Variants in CCSER1 observed in about 807,000 individuals in gnomAD.
The protein encoded by CCSER1 is coiled-coil serine rich protein 1, also known as serine-rich coiled-coil domain-containing protein 1.
A neutral mutation model predicts 82.0 loss-of-function variants in CCSER1; 41 were observed. That is an observed-to-expected ratio of 0.50 (90% CI 0.39 to 0.65). The LOEUF (loss-of-function observed/expected upper bound fraction) is 0.65. Among genes scored for constraint, CCSER1 ranks in the 30% least tolerant of loss-of-function variants. The pLI, the probability that CCSER1 is intolerant of heterozygous loss-of-function variation, is 0.00. For missense variants in CCSER1, 1,119 were observed against 1,064.2 expected (o/e 1.05, Z -0.72); for synonymous variants, 414 against 383.9 (o/e 1.08, Z -0.92).
intron 1 of CCSER1, among the ~76,000 whole-genome samples, chr4:90,141,060 CTATT>C (rs1175828363): frequency 3.8e-4 from 57 of 151,710 alleles, no homozygotes; most frequent in Non-Finnish European, 5.9e-4. Context: ...ATCTATCTAT[CTATT>C]GTCTGTCTAC....
intron 1 of CCSER1, among the ~76,000 whole-genome samples, chr4:90,272,200 C>T (rs534906862): frequency 2.1e-4 from 32 of 152,110 alleles, no homozygotes; most frequent in African/African-American, 7.5e-4. Context: ...ATATAAGTAG[C>T]ACAAACAGTT....
chr4:90,563,303 G>A (rs562269185), intron 5 of CCSER1, among the ~76,000 whole-genome samples: 3 of 152,030 alleles, frequency 2.0e-5, no homozygotes, highest in South Asian at 4.2e-4. Flanking sequence ...ATAGAGACAG[G>A]GTTTCACCAT....
intron 5 of CCSER1, among the ~76,000 whole-genome samples, chr4:90,608,832 A>C (rs1207029862): frequency 1.3e-5 from 2 of 152,104 alleles, no homozygotes; most frequent in Non-Finnish European, 2.9e-5. Flanking sequence ...AAGGTTTCAA[A>C]TGTGGCCATT....
At chr4:90,533,583 G>T (rs1774913955) in intron 5 of CCSER1, among the ~76,000 whole-genome samples, 1 of 152,150 alleles carries the variant, frequency 6.6e-6, no homozygotes. Context: ...AGCTCATAAC[G>T]ATTTGGAGTT....
At chr4:91,563,044 TA>T (rs1181604080) in intron 10 of CCSER1, among the ~76,000 whole-genome samples, 3 of 151,586 alleles carry the variant, frequency 2.0e-5, no homozygotes, top group Non-Finnish European at 3.0e-5. Flanking sequence ...GAATTAGTAA[TA>T]AAAAATCTCC....
intron 10 of CCSER1, among the ~76,000 whole-genome samples, chr4:91,087,441 T>G (rs758569874): frequency 6.6e-6 from 1 of 152,112 alleles, no homozygotes; most frequent in Non-Finnish European, 1.5e-5. Flanking sequence ...GGCTCTTAAA[T>G]CATATTGCTT....
In CCSER1 at chr4:90,555,233, G is replaced by A. The variant is rs114616952; in HGVS notation, c.1725-72792G>A. 8.4e-3 allele frequency among the ~76,000 whole-genome samples: 1,280 copies of A among 151,640 alleles called. 8 individuals are homozygous for A. The highest frequency in any genetic ancestry group is 0.019 in the African/African-American group (780 of 41,314). The stretch of plus-strand genomic sequence containing the variant: ...GTTTCTTGATAAAATACAGATATAC[G>A]ACCCAGGAACAAGCCTGGCAAAAAA... On this transcript the variant is annotated intron_variant, in intron 5 of 10. Coordinates refer to ENST00000509176, the MANE Select transcript of CCSER1 (RefSeq NM_001145065.2).
intron 10 of CCSER1, among the ~76,000 whole-genome samples, chr4:91,146,244 T>C (rs1035933552): frequency 6.6e-6 from 1 of 152,234 alleles, no homozygotes; most frequent in Admixed American, 6.5e-5. Context: ...ATTTTGAAAT[T>C]TCTGTAGTGA....
Position 91,446,653 on chromosome 4 carries a change from CAAATATATATTTTAAATAAAT to C in CCSER1, c.2218-151908_2218-151888del, listed in dbSNP as rs1271356527. Among the ~76,000 whole-genome samples, 3 of 120,390 alleles carry C rather than the reference CAAATATATATTTTAAATAAAT, an allele frequency of 2.5e-5. No homozygotes were observed. In the Admixed American group the frequency reaches 3.0e-4, roughly 12 times the overall value. 79.0% of individuals were successfully genotyped at this position (120,390 alleles called of 152,430 possible). ...ATGTCTATGTAATGAATATTTTATA[CAAATATATATTTTAAATAAAT>C]AAATATATATATATATATAATAGTC... is the stretch of plus-strand genomic sequence containing the variant. On this transcript the variant is annotated intron_variant, in intron 10 of 10. Transcript: ENST00000509176.
chr4:90,886,773 T>C (rs536021808), intron 8 of CCSER1, among the ~76,000 whole-genome samples: 17 of 152,318 alleles, frequency 1.1e-4, no homozygotes, highest in African/African-American at 4.1e-4. Flanking sequence ...CTCAGTCTTA[T>C]GAAGCTACCA....
chr4:90,547,270 T>C (rs1245290178), intron 5 of CCSER1, among the ~76,000 whole-genome samples: 12 of 152,024 alleles, frequency 7.9e-5, no homozygotes, highest in Non-Finnish European at 1.5e-5. Flanking sequence ...AGAATAGTTG[T>C]GTATTTTATA....
chr4:90,343,794 T>C (rs533894367), intron 3 of CCSER1, among the ~76,000 whole-genome samples: 209 of 152,302 alleles, frequency 1.4e-3, no homozygotes, highest in African/African-American at 4.7e-3. Flanking sequence ...ATGAGGTACA[T>C]GCGACATTTT....
chr4:90,519,311 A>C (rs1048472936), intron 5 of CCSER1, among the ~76,000 whole-genome samples: 5 of 151,882 alleles, frequency 3.3e-5, no homozygotes, highest in Non-Finnish European at 4.4e-5. Context: ...TAAGTAAATA[A>C]ATTTTAATGT....
intron 3 of CCSER1, among the ~76,000 whole-genome samples, chr4:90,346,463 A>C (rs545876025): frequency 6.6e-6 from 1 of 152,146 alleles, no homozygotes; most frequent in South Asian, 2.1e-4. Flanking sequence ...GAAAGCTTAG[A>C]TTATACTCAA....
intron 7 of CCSER1, among the ~76,000 whole-genome samples, chr4:90,802,125 C>T (rs1220049617): frequency 1.3e-5 from 2 of 151,048 alleles, no homozygotes; most frequent in African/African-American, 4.9e-5. Context: ...GGCTGAGGCA[C>T]GAGAATCGCT....
chr4:91,305,322 C>T (rs192332350), intron 10 of CCSER1, among the ~76,000 whole-genome samples: 1 of 152,024 alleles, frequency 6.6e-6, no homozygotes, highest in Admixed American at 6.6e-5. Flanking sequence ...ATGACTATAA[C>T]AGTAAATGGG....
chr4:91,554,341 A>G (rs1236410128), intron 10 of CCSER1, among the ~76,000 whole-genome samples: 4 of 151,342 alleles, frequency 2.6e-5, no homozygotes, highest in Admixed American at 6.6e-5. Flanking sequence ...AGGCTTGAAA[A>G]GAATGTATTT....
chr4:91,312,294 AGGT>A (rs1478719203), intron 10 of CCSER1, among the ~76,000 whole-genome samples: 1 of 151,782 alleles, frequency 6.6e-6, no homozygotes, highest in Non-Finnish European at 1.5e-5. Flanking sequence ...CAGGACTTAT[AGGT>A]ATAAAAGAAT....
intron 1 of CCSER1, among the ~76,000 whole-genome samples, chr4:90,238,380 A>C (rs1746196215): frequency 1.3e-5 from 2 of 152,196 alleles, no homozygotes; most frequent in Admixed American, 1.3e-4. Flanking sequence ...GTCTTAATGA[A>C]GTAAAGCTTG....
Sources: gnomAD v4.1 joint callset for allele counts (sites outside exome capture counted in the v4.1 genomes callset) on GRCh38, gnomAD v4.1.1 for gene constraint, MANE v1.5 for transcripts, NCBI Gene and HGNC (gene_info 2026-07-23, HGNC 2026-07-21) for gene names.